PPARGC1A: variants seen among roughly 807,000 people sequenced by gnomAD.
PPARGC1A encodes PPARG coactivator 1 alpha.
Under a neutral mutation model 88.7 loss-of-function variants are expected in PPARGC1A, and 25 were observed. The observed-to-expected ratio is 0.28, with a 90% CI of 0.21 to 0.39. PPARGC1A has a LOEUF of 0.39. Ranked by LOEUF, PPARGC1A falls within the 10% of genes least tolerant of loss-of-function variation. PPARGC1A has a pLI of 1.00. For missense variants in PPARGC1A, 880 were observed against 968.7 expected, an observed-to-expected ratio of 0.91 and a Z score of 1.22; for synonymous variants, 363 against 355.6, an observed-to-expected ratio of 1.02 and a Z score of -0.24.
the PPARGC1A span, among the ~76,000 whole-genome samples, chr4:24,139,039 G>T: frequency 9.9e-5 from 15 of 152,228 alleles, no homozygotes; most frequent in South Asian, 2.9e-3. Context: ...GTTCTTCAGT[G>T]CAGTTTTTCT....
the PPARGC1A span, among the ~76,000 whole-genome samples, chr4:24,139,253 C>G: frequency 6.6e-6 from 1 of 152,016 alleles, no homozygotes; most frequent in Non-Finnish European, 1.5e-5. Context: ...TCTGCCTCAG[C>G]CTCCCAAGTA....
the PPARGC1A span, among the ~76,000 whole-genome samples, chr4:24,402,044 G>GCA: frequency 6.6e-6 from 1 of 152,178 alleles, no homozygotes; most frequent in East Asian, 1.9e-4. Context: ...AGCTTCATCT[G>GCA]CACACGTAAG....
the PPARGC1A span, among the ~76,000 whole-genome samples, chr4:24,303,694 A>G: frequency 1.3e-5 from 2 of 152,348 alleles, no homozygotes; most frequent in African/African-American, 2.4e-5. Context: ...GAAAAAATCA[A>G]TTTTAATCAC....
the PPARGC1A span, among the ~76,000 whole-genome samples, chr4:24,100,957 T>C: frequency 6.6e-6 from 1 of 152,168 alleles, no homozygotes; most frequent in Non-Finnish European, 1.5e-5. Flanking sequence ...TAACCTAACA[T>C]CCATAAAACT....
At chr4:24,002,704 G>T in the PPARGC1A span, among the ~76,000 whole-genome samples, 1 of 151,022 alleles carries the variant, frequency 6.6e-6, no homozygotes, top group Non-Finnish European at 1.5e-5. Flanking sequence ...GACTTGGCAA[G>T]TTCTCCATGG....
At chr4:23,828,682 T>C (rs1014670297) in intron 4 of PPARGC1A, 78 bp from the exon 5 acceptor site, 46 of 1,361,652 alleles carry the variant, frequency 3.4e-5, no homozygotes, top group Non-Finnish European at 4.7e-5. Flanking sequence ...TCTGGAGAGA[T>C]GGGATTTTTC....
the PPARGC1A span, among the ~76,000 whole-genome samples, chr4:24,067,603 C>T: frequency 1.3e-5 from 2 of 152,170 alleles, no homozygotes; most frequent in South Asian, 4.1e-4. Flanking sequence ...AAGTGAGCTT[C>T]GGAGGCACAG....
chr4:24,112,738 C>T, the PPARGC1A span, among the ~76,000 whole-genome samples: 1 of 152,136 alleles, frequency 6.6e-6, no homozygotes, highest in Non-Finnish European at 1.5e-5. Flanking sequence ...GACATAATTC[C>T]AATAGCAATC....
At chr4:24,377,021 G>C in the PPARGC1A span, among the ~76,000 whole-genome samples, 1 of 151,994 alleles carries the variant, frequency 6.6e-6, no homozygotes, top group Admixed American at 6.6e-5. Flanking sequence ...ACCAGTTACT[G>C]AACTGTCATG....
In PPARGC1A at chr4:23,801,734, G is replaced by T. The variant is rs572880991; in HGVS notation, c.2289C>A (p.Asp763Glu). ...RKQFFKSNYA[D>E]LDSNSDDFDP... ...CACGTACAATAAAATCCATACCTAG[G>T]TCTGCATAGTTAGACTTGAAAAATT... Residue 763 changes from aspartate (D) to glutamate (E), a missense_variant, in exon 12 of 13, where the codon GAC becomes GAA. By Grantham distance (45) the Asp-to-Glu change is conservative. Coordinates refer to ENST00000264867, the MANE Select transcript of PPARGC1A (RefSeq NM_013261.5). 2 of 1,613,892 alleles carry T rather than the reference G, an allele frequency of 1.2e-6. No individual in the cohort carries two copies. The highest frequency in any genetic ancestry group is 3.3e-5 in the Admixed American group (2 of 60,006).
chr4:23,985,152 C>T, the PPARGC1A span, among the ~76,000 whole-genome samples: 6 of 152,052 alleles, frequency 3.9e-5, no homozygotes, highest in South Asian at 2.1e-4. Context: ...TATTACATGG[C>T]GGTTGGGTAG....
At chr4:23,901,369 C>CAAAAAAAAAAAAAAAAAAAAAAAAAAA (rs766239228), upstream of PPARGC1A, among the ~76,000 whole-genome samples, 1 of 71,722 alleles carries the variant, frequency 1.4e-5, no homozygotes, top group Non-Finnish European at 2.6e-5. Flanking sequence ...GACTCCGTCT[C>CAAAAAAAAAAAAAAAAAAAAAAAAAAA]AAAAAAAAAA....
At chr4:24,309,751 A>C in the PPARGC1A span, among the ~76,000 whole-genome samples, 1 of 152,062 alleles carries the variant, frequency 6.6e-6, no homozygotes, top group Non-Finnish European at 1.5e-5. Flanking sequence ...CCAGCTACAT[A>C]ATCTGATTTA....
chr4:24,198,992 G>A, the PPARGC1A span, among the ~76,000 whole-genome samples: 1 of 152,176 alleles, frequency 6.6e-6, no homozygotes, highest in Non-Finnish European at 1.5e-5. Flanking sequence ...GGGACATAAG[G>A]CAGGACAGAT....
chr4:24,145,588 G>T, the PPARGC1A span, among the ~76,000 whole-genome samples: 14 of 152,170 alleles, frequency 9.2e-5, no homozygotes, highest in Non-Finnish European at 1.5e-5. Context: ...TACAAGGATT[G>T]TCCTTCCCAG....
chr4:24,438,615 C>A, the PPARGC1A span, among the ~76,000 whole-genome samples: 1,841 of 152,110 alleles, frequency 0.012, 95 homozygotes, highest in East Asian at 0.15. Context: ...TTTCTGTTTG[C>A]GATGTGTTTT....
At chr4:23,887,279 C>T (rs1717080727) in intron 1 of PPARGC1A, among the ~76,000 whole-genome samples, 1 of 152,134 alleles carries the variant, frequency 6.6e-6, no homozygotes, top group South Asian at 2.1e-4. Context: ...TGTTGACATG[C>T]TAATAAAATC....
the PPARGC1A span, among the ~76,000 whole-genome samples, chr4:24,155,932 A>G: frequency 0.035 from 5,391 of 152,272 alleles, 325 homozygotes; most frequent in African/African-American, 0.12. Flanking sequence ...GGGTGGGTCC[A>G]TGCAAAATGA....
chr4:24,283,357 C>T, the PPARGC1A span, among the ~76,000 whole-genome samples: 1 of 152,212 alleles, frequency 6.6e-6, no homozygotes. Context: ...CCCTTTCTCA[C>T]ATTTAAAGTG....
Sources: allele counts gnomAD v4.1 joint callset (sites outside exome capture counted in the v4.1 genomes callset), GRCh38; gene constraint gnomAD v4.1.1; transcripts MANE v1.5; gene names NCBI Gene and HGNC (gene_info 2026-07-23, HGNC 2026-07-21).